Variants in SEMA5A observed in about 807,000 individuals in gnomAD.
The protein encoded by SEMA5A is semaphorin 5A.
SEMA5A carries 55 observed loss-of-function variants against 135.5 expected under a neutral mutation model. That is an observed-to-expected ratio of 0.41 (90% CI 0.33 to 0.51). The LOEUF (loss-of-function observed/expected upper bound fraction) is 0.51. Ranked by LOEUF, SEMA5A falls within the 20% of genes least tolerant of loss-of-function variation. The pLI is 0.37. For synonymous variants in SEMA5A, 580 were observed against 546.5 expected, an observed-to-expected ratio of 1.06 and a Z score of -0.85; for missense variants, 1,290 against 1,419.9, an observed-to-expected ratio of 0.91 and a Z score of 1.47.
intron 5 of SEMA5A, among the ~76,000 whole-genome samples, chr5:9,297,800 C>T (rs988653890): frequency 9.9e-5 from 15 of 151,740 alleles, no homozygotes; most frequent in African/African-American, 3.4e-4. Flanking sequence ...GGGCTCAAGC[C>T]ACCTGCCTAC....
chr5:9,399,518 A>T (rs1415170322), intron 2 of SEMA5A, among the ~76,000 whole-genome samples: 1 of 152,226 alleles, frequency 6.6e-6, no homozygotes. Context: ...TGGGGTCATC[A>T]GAATGTTCTA....
chr5:9,265,484 T>C (rs1281789506), intron 5 of SEMA5A: 1 of 456,296 alleles, frequency 2.2e-6, no homozygotes, highest in African/African-American at 2.0e-5. Context: ...TGTTCAACTC[T>C]TCTGCCGCGG....
intron 1 of SEMA5A, among the ~76,000 whole-genome samples, chr5:9,474,652 T>G (rs1488797430): frequency 6.6e-6 from 1 of 152,218 alleles, no homozygotes; most frequent in African/African-American, 2.4e-5. Context: ...TGCCCGTGAT[T>G]GCAGAATCAT....
chr5:9,466,105 A>G (rs1175919535), intron 1 of SEMA5A, among the ~76,000 whole-genome samples: 1 of 152,168 alleles, frequency 6.6e-6, no homozygotes, highest in Admixed American at 6.5e-5. Context: ...TTGGGGGTGC[A>G]AGTATCTGAG....
chr5:9,281,566 A>T (rs1213985410), intron 5 of SEMA5A, among the ~76,000 whole-genome samples: 1 of 152,230 alleles, frequency 6.6e-6, no homozygotes, highest in Non-Finnish European at 1.5e-5. Flanking sequence ...ATGAAAAGCA[A>T]ATCCCATATC....
chr5:9,080,699 T>G (rs1738331561), intron 16 of SEMA5A, among the ~76,000 whole-genome samples: 1 of 152,150 alleles, frequency 6.6e-6, no homozygotes, highest in Non-Finnish European at 1.5e-5. Context: ...GCATGTGGTG[T>G]TGTGTGTCCT....
chr5:9,364,794 G>T (rs1754846110), intron 3 of SEMA5A, among the ~76,000 whole-genome samples: 1 of 152,070 alleles, frequency 6.6e-6, no homozygotes, highest in Non-Finnish European at 1.5e-5. Context: ...TCCCAAACTT[G>T]TTGTGACTCA....
intron 1 of SEMA5A, among the ~76,000 whole-genome samples, chr5:9,444,096 A>G (rs768714763): frequency 8.5e-5 from 13 of 152,234 alleles, no homozygotes; most frequent in Non-Finnish European, 1.5e-4. Context: ...TCAGGACTCA[A>G]ATGAAAAATG....
intron 3 of SEMA5A, among the ~76,000 whole-genome samples, chr5:9,370,852 C>G (rs1042048848): frequency 7.2e-5 from 11 of 152,178 alleles, no homozygotes; most frequent in African/African-American, 2.7e-4. Flanking sequence ...TAAAACTTTA[C>G]TCACCCCACA....
intron 1 of SEMA5A, among the ~76,000 whole-genome samples, chr5:9,514,945 A>G (rs1290076501): frequency 1.3e-5 from 2 of 152,302 alleles, no homozygotes; most frequent in East Asian, 3.9e-4. Context: ...GGATCCTGCA[A>G]TTCTCTCGTT....
chr5:9,378,036 A>G (rs973463406), intron 3 of SEMA5A, among the ~76,000 whole-genome samples: 1 of 152,202 alleles, frequency 6.6e-6, no homozygotes, highest in Non-Finnish European at 1.5e-5. Context: ...ATGTACAAGG[A>G]TGTAAACTAC....
At chr5:9,279,971 G>C (rs1750458286) in intron 5 of SEMA5A, among the ~76,000 whole-genome samples, 1 of 152,176 alleles carries the variant, frequency 6.6e-6, no homozygotes, top group Non-Finnish European at 1.5e-5. Flanking sequence ...TGACCATTTT[G>C]TCACTGGCTA....
chr5:9,347,294 A>G (rs1753919248), intron 3 of SEMA5A, among the ~76,000 whole-genome samples: 1 of 152,212 alleles, frequency 6.6e-6, no homozygotes, highest in Non-Finnish European at 1.5e-5. Flanking sequence ...ATTTTGTTGC[A>G]TTAACACATA....
intron 11 of SEMA5A, among the ~76,000 whole-genome samples, chr5:9,188,749 C>G (rs1255968121): frequency 6.6e-6 from 1 of 152,244 alleles, no homozygotes; most frequent in Non-Finnish European, 1.5e-5. Context: ...TAAGGAAATA[C>G]ATGACAGAAT....
At chr5:9,297,978 T>C (rs1751425326) in intron 5 of SEMA5A, among the ~76,000 whole-genome samples, 1 of 152,222 alleles carries the variant, frequency 6.6e-6, no homozygotes, top group Middle Eastern at 3.4e-3. Context: ...AGTTAAAGAA[T>C]ATATAGCTAT....
intron 5 of SEMA5A, among the ~76,000 whole-genome samples, chr5:9,299,435 GA>G (rs1751498714): frequency 6.6e-6 from 1 of 152,208 alleles, no homozygotes; most frequent in Admixed American, 6.5e-5. Flanking sequence ...ACACCCAGGA[GA>G]AAGGCAAGTT....
intron 3 of SEMA5A, 36 bp from the exon 4 acceptor site, chr5:9,337,848 A>G: frequency 6.9e-7 from 1 of 1,440,012 alleles, no homozygotes; most frequent in Non-Finnish European, 9.6e-7. Context: ...AAAGATAAAA[A>G]TGAATTATTT....
chr5:9,050,699 C>G (rs1394816100), intron 20 of SEMA5A, among the ~76,000 whole-genome samples: 1 of 152,210 alleles, frequency 6.6e-6, no homozygotes, highest in East Asian at 1.9e-4. Flanking sequence ...AAAGATAATG[C>G]TATGGTCTCT....
chr5:9,327,416 C>T (rs376977501), intron 4 of SEMA5A, among the ~76,000 whole-genome samples: 1 of 152,042 alleles, frequency 6.6e-6, no homozygotes, highest in African/African-American at 2.4e-5. Flanking sequence ...TCTTTCATTC[C>T]CTATCCCAGA....
Sources: gnomAD v4.1 joint callset for allele counts (sites outside exome capture counted in the v4.1 genomes callset) on GRCh38, gnomAD v4.1.1 for gene constraint, MANE v1.5 for transcripts, NCBI Gene and HGNC (gene_info 2026-07-23, HGNC 2026-07-21) for gene names.